Variants in AKR1A1 observed in about 807,000 individuals in gnomAD.
The protein encoded by AKR1A1 is HEL-S-165mP.
Under a neutral mutation model 39.2 loss-of-function variants are expected in AKR1A1, and 26 were observed. That is an observed-to-expected ratio of 0.66 (90% CI 0.49 to 0.92). AKR1A1 has a LOEUF of 0.92. Ranked by LOEUF, AKR1A1 falls within the 40% of genes least tolerant of loss-of-function variation. The pLI is 0.00. For missense variants in AKR1A1, 378 were observed against 406.5 expected (o/e 0.93, Z 0.60); for synonymous variants, 141 against 155.5 (o/e 0.91, Z 0.69).
chr1:45,568,115 T>G lies in AKR1A1; in HGVS notation c.490T>G (p.Phe164Val). The stretch of plus-strand genomic sequence containing the variant: ...GGTGCAGGCGCTGGGCCTGTCCAAC[T>G]TCAACAGTCGGCAGATTGATGACAT... ...GLVQALGLSN[F>V]NSRQIDDILS... Residue 164 changes from phenylalanine (F) to valine (V), a missense_variant, in exon 5 of 9, where the codon TTC (phenylalanine) becomes GTC (valine). Coordinates refer to ENST00000351829, the MANE Select transcript of AKR1A1 (RefSeq NM_153326.3). 1 of 1,614,086 alleles carries G rather than the reference T, an allele frequency of 6.2e-7. No individual in the cohort carries two copies. The highest frequency in any genetic ancestry group is 8.5e-7 in the Non-Finnish European group (1 of 1,180,006).
intron 2 of AKR1A1, among the ~76,000 whole-genome samples, chr1:45,563,074 A>G (rs1330841925): frequency 1.7e-5 from 2 of 115,320 alleles, no homozygotes; most frequent in African/African-American, 6.1e-5. Context: ...ATGCCACTGC[A>G]CTCCAGCCTG....
At chr1:45,553,166 A>G (rs967200639) in intron 1 of AKR1A1, among the ~76,000 whole-genome samples, 1 of 151,910 alleles carries the variant, frequency 6.6e-6, no homozygotes. Context: ...GCTTATGCCT[A>G]TAATACCAGC....
chr1:45,566,482 C>T, intron 2 of AKR1A1, 87 bp from the exon 3 acceptor site: 1 of 1,560,670 alleles, frequency 6.4e-7, no homozygotes, highest in Non-Finnish European at 8.7e-7. Flanking sequence ...ATTTCTGAGC[C>T]CCCTTCCCCC....
chr1:45,558,395 A>ATTTT (rs35421063), intron 1 of AKR1A1, among the ~76,000 whole-genome samples: 1 of 119,106 alleles, frequency 8.4e-6, no homozygotes, highest in African/African-American at 3.3e-5. Context: ...CGCCCAGCTA[A>ATTTT]TTTTTTTTTT....
At chr1:45,552,661 G>C (rs1038489867) in intron 1 of AKR1A1, 6 of 152,232 alleles carry the variant, frequency 3.9e-5, no homozygotes, top group Non-Finnish European at 8.8e-5. Flanking sequence ...GACATGAGGA[G>C]GTGGTGAAAT....
chr1:45,557,668 G>A (rs1213687677), intron 1 of AKR1A1, among the ~76,000 whole-genome samples: 3 of 152,270 alleles, frequency 2.0e-5, no homozygotes, highest in East Asian at 3.9e-4. Context: ...TTAGACCCTG[G>A]TGGCAGCAGG....
At chr1:45,559,406 G>A (rs1031118608) in intron 1 of AKR1A1, among the ~76,000 whole-genome samples, 4 of 152,176 alleles carry the variant, frequency 2.6e-5, no homozygotes, top group African/African-American at 9.6e-5. Flanking sequence ...CTTTTCTGCT[G>A]CACTGAAGTC....
In AKR1A1 at chr1:45,568,044, A is replaced by T. The variant is rs371234480; in HGVS notation, c.419A>T (p.Tyr140Phe). The T allele has an allele frequency of 3.1e-6, 5 of 1,613,846 alleles. No individual in the cohort carries two copies. Among genetic ancestry groups the T allele is most frequent in the Non-Finnish European group, 4.2e-6 (5 of 1,179,998 alleles). Residue 140 changes from tyrosine (Y) to phenylalanine (F), a missense_variant, in exon 5 of 9, where the codon TAC becomes TTC. Tyr to Phe is a conservative substitution (Grantham distance 22). Transcript: ENST00000351829. Reference sequence around the variant, plus strand: ...ACTATATGCTACGACTCCACCCACTACAAGGAGACTTGGAAGGCTCTGGAG... The same window carrying T: ...ACTATATGCTACGACTCCACCCACTTCAAGGAGACTTGGAAGGCTCTGGAG... ...DGTICYDSTH[Y>F]KETWKALEAL... is the part of the protein sequence containing the mutation.
rs371315263 is a variant in AKR1A1, at chr1:45,566,937, G to C, written c.273G>C (p.Val91=). The C allele has an allele frequency of 1.2e-6, 2 of 1,614,082 alleles. No individual in the cohort carries two copies. Among genetic ancestry groups the C allele is most frequent in the Non-Finnish European group, 1.7e-6 (2 of 1,180,034 alleles). Residue 91 remains valine (V), a synonymous_variant, in exon 4 of 9, where the codon GTG becomes GTC. Transcript: ENST00000351829. ...LWNTKHHPED[V]EPALRKTLAD... ...ACACCAAGCACCACCCCGAGGATGT[G>C]GAGCCTGCCCTCCGGAAGACTCTGG...
At chr1:45,559,934 A>G (rs1323375528) in intron 1 of AKR1A1, among the ~76,000 whole-genome samples, 6 of 151,192 alleles carry the variant, frequency 4.0e-5, no homozygotes, top group Non-Finnish European at 8.8e-5. Context: ...GGCGTGAGCC[A>G]CTGTGCCCAG....
rs3842535 is a variant in AKR1A1, at chr1:45,551,979, TTGTATGTA to T, written c.-7+859_-7+866del. On this transcript the variant is annotated intron_variant, in intron 1 of 8. Coordinates refer to ENST00000351829, the MANE Select transcript of AKR1A1 (RefSeq NM_153326.3). ...GTGTGTGGTGTGTGTATTGTGTACATTGTATGTATGTATGTATGTATGTATGTATGTAT... is the reference window on the plus strand; with the variant it reads ...GTGTGTGGTGTGTGTATTGTGTACATTGTATGTATGTATGTATGTATGTAT... Among the ~76,000 whole-genome samples, 453 of 146,538 alleles carry T rather than the reference TTGTATGTA, an allele frequency of 3.1e-3. 5 individuals carry two copies. The highest frequency in any genetic ancestry group is 4.1e-3 in the Non-Finnish European group (272 of 66,804).
chr1:45,568,081 T>C lies in AKR1A1; in HGVS notation c.456T>C (p.Ala152=). Residue 152 remains alanine, a synonymous_variant, in exon 5 of 9, where the codon GCT becomes GCC. Transcript: ENST00000351829. ...ETWKALEALV[A]KGLVQALGLS... is the part of the protein sequence containing the mutation. ...GGAAGGCTCTGGAGGCACTGGTGGC[T>C]AAGGGGCTGGTGCAGGCGCTGGGCC... is the stretch of plus-strand genomic sequence containing the variant. The C allele has an allele frequency of 1.2e-6, 2 of 1,614,046 alleles. No homozygotes were observed. The highest frequency in any genetic ancestry group is 3.3e-5 in the Admixed American group (2 of 59,986).
At chr1:45,554,174 C>T (rs1644170679) in intron 1 of AKR1A1, among the ~76,000 whole-genome samples, 1 of 152,122 alleles carries the variant, frequency 6.6e-6, no homozygotes, top group Non-Finnish European at 1.5e-5. Flanking sequence ...CACTTATAAT[C>T]CCAGCACTTT....
chr1:45,565,994 G>T (rs1644338743), intron 2 of AKR1A1, among the ~76,000 whole-genome samples: 1 of 152,162 alleles, frequency 6.6e-6, no homozygotes, highest in South Asian at 2.1e-4. Flanking sequence ...TTGCTGAGAT[G>T]GCTTGGGTAG....
At chr1:45,552,924 A>G (rs1254859711) in intron 1 of AKR1A1, among the ~76,000 whole-genome samples, 2 of 151,978 alleles carry the variant, frequency 1.3e-5, no homozygotes, top group Non-Finnish European at 2.9e-5. Flanking sequence ...CAGGAGTTCG[A>G]GACCAGCCTG....
Position 45,561,891 on chromosome 1 carries a change from G to GGAAGAA in AKR1A1, c.84+14_84+19dup, listed in dbSNP as rs765208851. On this transcript the variant is annotated intron_variant, in intron 2 of 8. Coordinates refer to ENST00000351829, the MANE Select transcript of AKR1A1 (RefSeq NM_153326.3). ...TGAGCCTGGTCAGGTGAGGGATGGG[G>GGAAGAA]GAAGAAAAAAGAAACTTGTTGAGCC... 4 of 1,613,434 alleles carry GGAAGAA rather than the reference G, an allele frequency of 2.5e-6. No homozygotes were observed. The highest frequency in any genetic ancestry group is 3.4e-6 in the Non-Finnish European group (4 of 1,179,646).
chr1:45,569,369 C>T (rs1391788903), intron 8 of AKR1A1, 140 bp downstream of exon 8: 2 of 712,548 alleles, frequency 2.8e-6, no homozygotes, highest in Non-Finnish European at 4.9e-6. Context: ...ATAGTGCCCT[C>T]ATTTCTCTTT....
At position 45,568,051 on chromosome 1, in the gene AKR1A1, G is replaced by T. The variant is rs1429294995; in HGVS notation, c.426G>T (p.Glu142Asp). The T allele has an allele frequency of 1.2e-6, 2 of 1,614,068 alleles. No individual in the cohort carries two copies. Among genetic ancestry groups the T allele is most frequent in the Admixed American group, 1.7e-5 (1 of 60,000 alleles). Reference protein sequence around the residue: ...TICYDSTHYKETWKALEALVA... With the variant: ...TICYDSTHYKDTWKALEALVA... ...GCTACGACTCCACCCACTACAAGGA[G>T]ACTTGGAAGGCTCTGGAGGCACTGG... The change falls in exon 5 of 9, where the codon GAG becomes GAT. Residue 142 changes from glutamate (E) to aspartate (D), a missense_variant. Glu to Asp is a conservative substitution (Grantham distance 45). Coordinates refer to ENST00000351829, the MANE Select transcript of AKR1A1 (RefSeq NM_153326.3).
At chr1:45,556,332 C>T (rs1644202344) in intron 1 of AKR1A1, among the ~76,000 whole-genome samples, 2 of 152,374 alleles carry the variant, frequency 1.3e-5, no homozygotes, top group South Asian at 2.1e-4. Context: ...CCTGTAATCC[C>T]AGCACATTGG....
Sources: gnomAD v4.1 joint callset for allele counts (sites outside exome capture counted in the v4.1 genomes callset) on GRCh38, gnomAD v4.1.1 for gene constraint, MANE v1.5 for transcripts, NCBI Gene and HGNC (gene_info 2026-07-23, HGNC 2026-07-21) for gene names.